Variants in SLCO3A1 observed in about 807,000 individuals in gnomAD.
SLCO3A1 encodes solute carrier organic anion transporter family member 3A1.
SLCO3A1 carries 27 observed loss-of-function variants against 63.1 expected under a neutral mutation model. The ratio of observed to expected loss-of-function variants is 0.43; its 90% CI spans 0.32 to 0.59. The LOEUF is 0.59. Ranked by LOEUF, SLCO3A1 falls within the 20% of genes least tolerant of loss-of-function variation. The pLI, the probability that SLCO3A1 is intolerant of heterozygous loss-of-function variation, is 0.09. For missense variants in SLCO3A1, 773 were observed against 945.8 expected (o/e 0.82, Z 2.40); for synonymous variants, 473 against 409.9 (o/e 1.15, Z -1.86).
downstream of SLCO3A1, among the ~76,000 whole-genome samples, chr15:92,168,803 T>C (rs2048506823): frequency 6.6e-6 from 1 of 152,232 alleles, no homozygotes; most frequent in African/African-American, 2.4e-5. Context: ...ACATTATTTT[T>C]CTCTTGTGTG....
chr15:91,877,489 T>A (rs1897429359), intron 1 of SLCO3A1, among the ~76,000 whole-genome samples: 1 of 152,220 alleles, frequency 6.6e-6, no homozygotes, highest in Non-Finnish European at 1.5e-5. Context: ...CTTTTGCTCA[T>A]GACATCACTG....
chr15:91,941,643 A>G lies in SLCO3A1; in HGVS notation c.646+25185A>G. On this transcript the variant is annotated intron_variant, in intron 2 of 9. Transcript: ENST00000318445. This position sits in a 1 kb window ranked among gnomAD's most constrained non-coding sequence, Gnocchi z 4.4. ...GCTTCTAATCTCCCATGGGTTTTGT[A>G]CTTTTTCTTACTCGGGATGTTTGTT... The G allele has an allele frequency of 2.4e-6, 1 of 415,590 alleles. No individual in the cohort carries two copies. The highest frequency in any genetic ancestry group is 4.7e-6 in the Non-Finnish European group (1 of 210,530). 25.7% of individuals were successfully genotyped at this position (415,590 alleles called of 1,614,324 possible).
Position 92,163,201 on chromosome 15 carries a change from A to G in SLCO3A1, c.*66A>G, listed in dbSNP as rs1358642852. ...GTCATTTTTTTCTTAAAAAAAGAAAAAAAGGTTCCAAAAAAAACCAAAACT... is the reference window on the plus strand; with the variant it reads ...GTCATTTTTTTCTTAAAAAAAGAAAGAAAGGTTCCAAAAAAAACCAAAACT... On this transcript the variant is annotated 3_prime_UTR_variant, in exon 10 of 10. Coordinates refer to ENST00000318445, the MANE Select transcript of SLCO3A1 (RefSeq NM_013272.4). 8.3e-6 allele frequency: 12 copies of G among 1,439,156 alleles called. No individual in the cohort carries two copies. The highest frequency in any genetic ancestry group is 9.1e-6 in the Non-Finnish European group (10 of 1,103,356). The allele number at this position is 1,439,156 out of a possible 1,614,324, so 89.1% of individuals were successfully genotyped here.
chr15:91,864,783 G>A (rs138666069), intron 1 of SLCO3A1, among the ~76,000 whole-genome samples: 3 of 152,266 alleles, frequency 2.0e-5, no homozygotes, highest in South Asian at 2.1e-4. Flanking sequence ...GAGGTCTGTC[G>A]CCTTGGTGCT....
chr15:91,993,057 C>T (rs753807296), intron 2 of SLCO3A1, among the ~76,000 whole-genome samples: 6 of 152,198 alleles, frequency 3.9e-5, no homozygotes, highest in Non-Finnish European at 5.9e-5. Context: ...TGTGTCTAGA[C>T]TCACTGGCTT....
Position 91,853,807 on chromosome 15 carries a change from C to T in SLCO3A1, c.-102C>T. On this transcript the variant is annotated 5_prime_UTR_variant, in exon 1 of 10. Transcript: ENST00000318445. Reference sequence around the variant, plus strand: ...CGCCGCGAACCCGGGGCGGGGACAGCACGCAGCCTCGAGGCGCGCACCCCC... The same window carrying T: ...CGCCGCGAACCCGGGGCGGGGACAGTACGCAGCCTCGAGGCGCGCACCCCC... 1 of 1,081,596 alleles carries T rather than the reference C, an allele frequency of 9.2e-7. No individual in the cohort carries two copies. The highest frequency in any genetic ancestry group is 1.1e-6 in the Non-Finnish European group (1 of 886,994). 67.0% of individuals were successfully genotyped at this position (1,081,596 alleles called of 1,614,324 possible). A position where few individuals can be genotyped will look rare whatever the true frequency, so the allele number is the denominator to read the frequency against.
chr15:91,954,547 G>A lies in SLCO3A1; in HGVS notation c.646+38089G>A, dbSNP rs555644445. Among the ~76,000 whole-genome samples the A allele has an allele frequency of 3.3e-5, 5 of 152,282 alleles. No homozygotes were observed. The highest frequency in any genetic ancestry group is 2.0e-4 in the Admixed American group (3 of 15,298). ...AACAGCCTACCTGGTCAGGTGCCCCGCAGGCTTTCCTGAGAAGTGAATCCA... is the reference window on the plus strand; with the variant it reads ...AACAGCCTACCTGGTCAGGTGCCCCACAGGCTTTCCTGAGAAGTGAATCCA... On this transcript the variant is annotated intron_variant, in intron 2 of 9. Transcript: ENST00000318445. This position sits in a 1 kb window ranked among gnomAD's most constrained non-coding sequence, Gnocchi z 4.7.
At chr15:91,902,929 A>G (rs927381502) in intron 1 of SLCO3A1, among the ~76,000 whole-genome samples, 14 of 152,244 alleles carry the variant, frequency 9.2e-5, no homozygotes, top group African/African-American at 2.9e-4. Context: ...ATTCGAAATA[A>G]TAATAGTACT....
At chr15:92,072,307 TTTTTC>T (rs1355639309) in intron 2 of SLCO3A1, among the ~76,000 whole-genome samples, 2 of 152,078 alleles carry the variant, frequency 1.3e-5, no homozygotes, top group Non-Finnish European at 2.9e-5. Flanking sequence ...TTTCTTTTTC[TTTTTC>T]TTTTTCTTTT....
Position 91,862,538 on chromosome 15 carries a change from A to T in SLCO3A1, c.180+8450A>T, listed in dbSNP as rs1010389708. ...TTCTGCCAGGTTGTCCTTTGGGACA[A>T]CTTTTGGGTGTCTGGATAATGAACC... On this transcript the variant is annotated intron_variant, in intron 1 of 9. Transcript: ENST00000318445. This position sits in a 1 kb window ranked among gnomAD's most constrained non-coding sequence, Gnocchi z 4.0. 1.3e-5 allele frequency among the ~76,000 whole-genome samples: 2 copies of T among 152,114 alleles called. No homozygotes were observed. Among genetic ancestry groups the T allele is most frequent in the African/African-American group, 4.8e-5 (2 of 41,424 alleles).
At chr15:92,114,813 G>A (rs2047773803) in intron 4 of SLCO3A1, among the ~76,000 whole-genome samples, 1 of 152,056 alleles carries the variant, frequency 6.6e-6, no homozygotes, top group Admixed American at 6.5e-5. Flanking sequence ...TTAAGCACGT[G>A]GACTTTGGAG....
chr15:92,140,738 CTTCT>C (rs1423299020), intron 7 of SLCO3A1, among the ~76,000 whole-genome samples: 1 of 152,134 alleles, frequency 6.6e-6, no homozygotes, highest in Non-Finnish European at 1.5e-5. Context: ...ATGTAATGGC[CTTCT>C]TTGTCTCTTT....
intron 1 of SLCO3A1, among the ~76,000 whole-genome samples, chr15:91,892,564 C>T (rs942029541): frequency 2.0e-5 from 3 of 152,164 alleles, no homozygotes; most frequent in Admixed American, 6.5e-5. Context: ...GTAAGAACAG[C>T]TTATTGTCCA....
intron 2 of SLCO3A1, among the ~76,000 whole-genome samples, chr15:92,083,130 A>G (rs78178918): frequency 1.7e-3 from 256 of 152,276 alleles, no homozygotes; most frequent in African/African-American, 5.6e-3. Context: ...CTTTCCTTGT[A>G]AAGAGGTAGA....
chr15:92,022,860 G>T (rs916994780), intron 2 of SLCO3A1, among the ~76,000 whole-genome samples: 2 of 148,518 alleles, frequency 1.3e-5, no homozygotes, highest in Admixed American at 1.3e-4. Flanking sequence ...AAAGGCAGGG[G>T]CACTGGGAAG....
In SLCO3A1 at chr15:91,924,672, A is replaced by G. The variant is rs138719624; in HGVS notation, c.646+8214A>G. Among the ~76,000 whole-genome samples the G allele has an allele frequency of 1.9e-3, 289 of 152,306 alleles. 1 individual carries two copies. Among genetic ancestry groups the G allele is most frequent in the African/African-American group, 6.6e-3 (276 of 41,576 alleles). ...GGGGATCTTGCACGAACAGAGGACA[A>G]CCTGGCAGGAGTGAGGGTAACACCA... is the stretch of plus-strand genomic sequence containing the variant. On this transcript the variant is annotated intron_variant, in intron 2 of 9. Transcript: ENST00000318445.
intron 2 of SLCO3A1, among the ~76,000 whole-genome samples, chr15:92,007,807 T>G (rs773841666): frequency 3.3e-5 from 5 of 152,210 alleles, no homozygotes; most frequent in African/African-American, 4.8e-5. Context: ...TAGGGTATTT[T>G]GGGATTACCA....
At chr15:92,028,741 A>G (rs1475695716) in intron 2 of SLCO3A1, among the ~76,000 whole-genome samples, 1 of 152,148 alleles carries the variant, frequency 6.6e-6, no homozygotes, top group African/African-American at 2.4e-5. Flanking sequence ...TTTTGTGGAG[A>G]AGATGCTGCA....
Position 91,922,385 on chromosome 15 carries a change from CTTTG to C in SLCO3A1, c.646+5931_646+5934del, listed in dbSNP as rs1316898861. ...TAGACACAAAAATGTGTCACGTTTTCTTTGTTTATCACTTATCCTGAACCCCAGT... is the reference window on the plus strand; with the variant it reads ...TAGACACAAAAATGTGTCACGTTTTCTTTATCACTTATCCTGAACCCCAGT... On this transcript the variant is annotated intron_variant, in intron 2 of 9. Transcript: ENST00000318445. Among the ~76,000 whole-genome samples, 7 of 152,342 alleles carry C rather than the reference CTTTG, an allele frequency of 4.6e-5. No individual in the cohort carries two copies. The South Asian group carries it at 8.3e-4, about 18-fold the overall frequency.
Sources: allele counts gnomAD v4.1 joint callset (sites outside exome capture counted in the v4.1 genomes callset), GRCh38; gene constraint gnomAD v4.1.1; non-coding constraint Gnocchi (gnomAD v3.1); transcripts MANE v1.5; gene names NCBI Gene and HGNC (gene_info 2026-07-23, HGNC 2026-07-21).